The following KCNMA1 variants were observed in gnomAD, a reference collection of about 807,000 sequenced individuals.
The protein encoded by KCNMA1 is potassium calcium-activated channel subfamily M alpha 1.
Under a neutral mutation model 140.0 loss-of-function variants are expected in KCNMA1, and 29 were observed. The ratio of observed to expected loss-of-function variants is 0.21; its 90% confidence interval spans 0.15 to 0.28. KCNMA1 has a LOEUF of 0.28. Ranked by LOEUF, KCNMA1 falls within the 10% of genes least tolerant of loss-of-function variation. The pLI, the probability that KCNMA1 is intolerant of heterozygous loss-of-function variation, is 1.00. For synonymous variants in KCNMA1, 612 were observed against 611.9 expected, an observed-to-expected ratio of 1.00 and a Z score of 0.00; for missense variants, 880 against 1,602.2, an observed-to-expected ratio of 0.55 and a Z score of 7.70.
At chr10:76,952,227 A>G in intron 21 of KCNMA1, 1 of 1,500,194 alleles carries the variant, frequency 6.7e-7, no homozygotes. Context: ...ATACATCAGA[A>G]TGTACATATA....
rs983516476 is a variant in KCNMA1 at position 77,316,292 on chromosome 10, C to A, written c.541-65036G>T. 8.5e-5 allele frequency among the ~76,000 whole-genome samples: 13 copies of A among 152,124 alleles called. No individual in the cohort carries two copies. In the East Asian group the frequency reaches 2.5e-3, roughly 29 times the overall value. On this transcript the variant is annotated intron_variant, in intron 2 of 27. Transcript: ENST00000286628. The stretch of plus-strand genomic sequence containing the variant: ...GCCAATCTCAGTCTTCCTAAAGAAT[C>A]CCACAGTTAAAAGAGGCCACCTGAA...
chr10:76,950,797 G>C (rs1311855245), intron 21 of KCNMA1, among the ~76,000 whole-genome samples: 1 of 152,172 alleles, frequency 6.6e-6, no homozygotes, highest in Non-Finnish European at 1.5e-5. Context: ...AATAAAGCAG[G>C]GGCTGTCACC....
At chr10:77,433,697 A>G (rs1335923932) in intron 1 of KCNMA1, 1 of 152,214 alleles carries the variant, frequency 6.6e-6, no homozygotes, top group Non-Finnish European at 1.5e-5. Flanking sequence ...CCCCAGGGAA[A>G]TAACAAATGC....
At chr10:77,096,696 A>T (rs759142776) in intron 9 of KCNMA1, among the ~76,000 whole-genome samples, 12 of 152,208 alleles carry the variant, frequency 7.9e-5, no homozygotes, top group Non-Finnish European at 1.3e-4. Context: ...AGACAGAGTA[A>T]ATTGAAAATC....
chr10:77,097,090 C>A (rs1286403936), intron 9 of KCNMA1, among the ~76,000 whole-genome samples: 4 of 152,138 alleles, frequency 2.6e-5, no homozygotes. Context: ...TGCATCACCA[C>A]CTCTCCATGA....
At chr10:77,096,913 C>T (rs1450192457) in intron 9 of KCNMA1, among the ~76,000 whole-genome samples, 1 of 152,180 alleles carries the variant, frequency 6.6e-6, no homozygotes. Flanking sequence ...TAGCCCCTGA[C>T]ATGATGGGAA....
At chr10:77,203,321 G>C (rs77550816) in intron 3 of KCNMA1, among the ~76,000 whole-genome samples, 8,714 of 152,196 alleles carry the variant, frequency 0.057, 296 homozygotes, top group South Asian at 0.084. Flanking sequence ...AGCTAAGAAT[G>C]GACGGGCTGC....
chr10:77,095,366 G>A (rs2153810030), intron 9 of KCNMA1, among the ~76,000 whole-genome samples: 1 of 152,290 alleles, frequency 6.6e-6, no homozygotes, highest in East Asian at 1.9e-4. Flanking sequence ...GACAGGTCAT[G>A]GCTTAGAATA....
intron 1 of KCNMA1, among the ~76,000 whole-genome samples, chr10:77,598,072 A>G (rs1483671338): frequency 1.3e-5 from 2 of 152,094 alleles, no homozygotes; most frequent in African/African-American, 4.8e-5. Context: ...CCCAGGTTCA[A>G]GTGATTCTCC....
chr10:77,361,564 C>T lies in KCNMA1; in HGVS notation c.540+42298G>A, dbSNP rs1287324278. 2.8e-4 allele frequency among the ~76,000 whole-genome samples: 42 copies of T among 152,190 alleles called. 3 individuals are homozygous for T. The highest frequency in any genetic ancestry group is 2.6e-3 in the Admixed American group (40 of 15,280). On this transcript the variant is annotated intron_variant, in intron 2 of 27. Transcript: ENST00000286628. ...GGGAACTAATGAGATTCAGAGAGCT[C>T]GAAAATTAGAGGTGCACGAAAGGAG...
chr10:77,290,518 C>A (rs2072837784), intron 2 of KCNMA1, among the ~76,000 whole-genome samples: 1 of 152,156 alleles, frequency 6.6e-6, no homozygotes, highest in Non-Finnish European at 1.5e-5. Flanking sequence ...AAAGGGGCAC[C>A]TGAGGAAGGG....
At chr10:77,321,921 C>A (rs2082451922) in intron 2 of KCNMA1, among the ~76,000 whole-genome samples, 1 of 152,152 alleles carries the variant, frequency 6.6e-6, no homozygotes, top group South Asian at 2.1e-4. Flanking sequence ...AGGATGATAC[C>A]AACTGCATTA....
At chr10:76,909,859 T>C in intron 25 of KCNMA1, 107 bp downstream of exon 25, 2 of 1,195,220 alleles carry the variant, frequency 1.7e-6, no homozygotes, top group Non-Finnish European at 2.4e-6. Flanking sequence ...TCTAGGAGTC[T>C]TGCTCTCCAC....
chr10:76,924,779 C>T (rs1487092166), intron 23 of KCNMA1, among the ~76,000 whole-genome samples: 1 of 152,162 alleles, frequency 6.6e-6, no homozygotes, highest in Non-Finnish European at 1.5e-5. Context: ...CAGCCTCCCA[C>T]CATCTTGTAA....
At chr10:77,233,589 C>A (rs111574727) in intron 3 of KCNMA1, among the ~76,000 whole-genome samples, 1 of 152,150 alleles carries the variant, frequency 6.6e-6, no homozygotes, top group Non-Finnish European at 1.5e-5. Context: ...CTCAGGACTG[C>A]GCATGCCTCC....
intron 1 of KCNMA1, among the ~76,000 whole-genome samples, chr10:77,585,415 A>G (rs937279591): frequency 2.0e-5 from 3 of 152,196 alleles, no homozygotes; most frequent in Non-Finnish European, 2.9e-5. Context: ...CATTTATTTT[A>G]CTCAAAAATT....
chr10:77,300,411 C>G (rs1365750852), intron 2 of KCNMA1, among the ~76,000 whole-genome samples: 1 of 152,192 alleles, frequency 6.6e-6, no homozygotes, highest in Non-Finnish European at 1.5e-5. Context: ...TAGCATCTAT[C>G]TCACAGGTAG....
chr10:77,221,794 AC>A (rs1482538760), intron 3 of KCNMA1, among the ~76,000 whole-genome samples: 2 of 152,114 alleles, frequency 1.3e-5, no homozygotes, highest in East Asian at 1.9e-4. Flanking sequence ...GTTCTCCCCA[AC>A]CCCCTAAAAC....
At chr10:77,219,693 C>T (rs1312368734) in intron 3 of KCNMA1, among the ~76,000 whole-genome samples, 1 of 152,208 alleles carries the variant, frequency 6.6e-6, no homozygotes, top group Non-Finnish European at 1.5e-5. Context: ...GATCTTGGCT[C>T]ACTGCAAGCT....
Sources: gnomAD v4.1 joint callset for allele counts (sites outside exome capture counted in the v4.1 genomes callset) on GRCh38, gnomAD v4.1.1 for gene constraint, MANE v1.5 for transcripts, NCBI Gene and HGNC (gene_info 2026-07-23, HGNC 2026-07-21) for gene names.